Variants in IPCEF1 observed in about 807,000 individuals in gnomAD.
IPCEF1 encodes the protein interaction protein for cytohesin exchange factors 1, also known as interactor protein for cytohesin exchange factors 1.
Under a neutral mutation model 50.9 loss-of-function variants are expected in IPCEF1, and 31 were observed. That is an observed-to-expected ratio of 0.61 (90% confidence interval 0.46 to 0.82). The LOEUF is 0.82. IPCEF1 is among the 40% of genes least tolerant of loss of function. The pLI, the probability that IPCEF1 is intolerant of heterozygous loss-of-function variation, is 0.00. For synonymous variants in IPCEF1, 181 were observed against 192.0 expected (o/e 0.94, Z 0.47); for missense variants, 458 against 514.0 (o/e 0.89, Z 1.05).
intron 2 of IPCEF1, among the ~76,000 whole-genome samples, chr6:154,284,306 A>G (rs375702891): frequency 2.0e-4 from 30 of 152,360 alleles, no homozygotes; most frequent in African/African-American, 6.5e-4. Flanking sequence ...TGTAAGTGTG[A>G]CTGATTTAGA....
At chr6:154,319,683 A>G (rs1463730398) in intron 1 of IPCEF1, among the ~76,000 whole-genome samples, 1 of 152,206 alleles carries the variant, frequency 6.6e-6, no homozygotes, top group Non-Finnish European at 1.5e-5. Context: ...AAGCGGGGAA[A>G]CATCTTATTT....
chr6:154,215,878 C>A (rs1778354502), intron 7 of IPCEF1, among the ~76,000 whole-genome samples: 1 of 152,090 alleles, frequency 6.6e-6, no homozygotes, highest in Non-Finnish European at 1.5e-5. Context: ...AAAAAAATTT[C>A]TCAGCCTCAA....
At chr6:154,341,510 G>T (rs1783917670) in intron 1 of IPCEF1, among the ~76,000 whole-genome samples, 1 of 152,168 alleles carries the variant, frequency 6.6e-6, no homozygotes, top group Admixed American at 6.5e-5. Flanking sequence ...TGACCAAAAT[G>T]GAACCTTTGA....
At chr6:154,335,517 G>C (rs142756286) in intron 1 of IPCEF1, among the ~76,000 whole-genome samples, 3 of 152,084 alleles carry the variant, frequency 2.0e-5, no homozygotes, top group African/African-American at 7.2e-5. Flanking sequence ...ACACAGCAAA[G>C]AAAACAAACA....
intron 3 of IPCEF1, among the ~76,000 whole-genome samples, chr6:154,264,817 T>C (rs1342559397): frequency 1.3e-5 from 2 of 152,210 alleles, no homozygotes; most frequent in African/African-American, 4.8e-5. Context: ...AAGCAAAGGA[T>C]GTTTCAGCCG....
In IPCEF1 at chr6:154,325,963, C is replaced by T. The variant is rs367725547; in HGVS notation, c.-62+30709G>A. 7.2e-5 allele frequency among the ~76,000 whole-genome samples: 11 copies of T among 152,250 alleles called. No individual in the cohort carries two copies. The South Asian group carries it at 1.2e-3, about 17-fold the overall frequency. ...ATTCTTGGCTGGGCACAGTGGCTCA[C>T]GCTTGTAATCCCAGCATTTTGGGAG... On this transcript the variant is annotated intron_variant, in intron 1 of 11. Coordinates refer to ENST00000367220, the MANE Select transcript of IPCEF1 (RefSeq NM_001130700.2).
At chr6:154,161,310 A>G (rs1327998453) in intron 11 of IPCEF1, among the ~76,000 whole-genome samples, 17 of 151,038 alleles carry the variant, frequency 1.1e-4, no homozygotes, top group Non-Finnish European at 2.5e-4. Flanking sequence ...TCCCAGGTTC[A>G]AGCGATTCTC....
chr6:154,275,291 G>A (rs1782027906), intron 2 of IPCEF1, among the ~76,000 whole-genome samples: 1 of 152,136 alleles, frequency 6.6e-6, no homozygotes, highest in Non-Finnish European at 1.5e-5. Flanking sequence ...TGAGACAAAG[G>A]GCACCAGCTC....
chr6:154,165,363 A>G (rs1218147900), intron 11 of IPCEF1, among the ~76,000 whole-genome samples: 1 of 152,152 alleles, frequency 6.6e-6, no homozygotes, highest in African/African-American at 2.4e-5. Context: ...ACAATTAGAA[A>G]TAATTATTAT....
chr6:154,257,745 G>C (rs1781497350), intron 3 of IPCEF1, among the ~76,000 whole-genome samples: 1 of 152,076 alleles, frequency 6.6e-6, no homozygotes, highest in East Asian at 1.9e-4. Flanking sequence ...TTTCACCCAG[G>C]CTGGAGTACA....
intron 5 of IPCEF1, among the ~76,000 whole-genome samples, chr6:154,238,968 AC>A (rs1189763874): frequency 6.6e-6 from 1 of 152,116 alleles, no homozygotes; most frequent in Admixed American, 6.6e-5. Context: ...CGACAAAAGT[AC>A]TATGCACTGT....
intron 9 of IPCEF1, among the ~76,000 whole-genome samples, chr6:154,208,356 C>T (rs894660142): frequency 6.6e-6 from 1 of 152,214 alleles, no homozygotes; most frequent in Non-Finnish European, 1.5e-5. Context: ...TCTCACACCA[C>T]CTTTCAAGGT....
At position 154,265,911 on chromosome 6, in the gene IPCEF1, C is replaced by T. The variant is rs1457126223; in HGVS notation, c.36+1G>A. 1 of 1,596,096 alleles carries T rather than the reference C, an allele frequency of 6.3e-7. No homozygotes were observed. The highest frequency in any genetic ancestry group is 1.1e-5 in the South Asian group (1 of 88,580). ...CCTGGGGTATTCCAAAGGATACTTACAAGAGCACTGCCATCAATAGCCATG... is the reference window on the plus strand; with the variant it reads ...CCTGGGGTATTCCAAAGGATACTTATAAGAGCACTGCCATCAATAGCCATG... On this transcript the variant is annotated splice_donor_variant, in intron 3 of 11. Coordinates refer to ENST00000367220, the MANE Select transcript of IPCEF1 (RefSeq NM_001130700.2). LOFTEE classifies it high-confidence loss of function.
Position 154,212,543 on chromosome 6 carries a change from C to T in IPCEF1, c.537+227G>A, listed in dbSNP as rs79302519. 5.2e-3 allele frequency among the ~76,000 whole-genome samples: 786 copies of T among 152,296 alleles called. 9 individuals are homozygous for T. The highest frequency in any genetic ancestry group is 0.018 in the African/African-American group (739 of 41,548). On this transcript the variant is annotated intron_variant, in intron 9 of 11. Transcript: ENST00000367220. The stretch of plus-strand genomic sequence containing the variant: ...TGCATCCTCATGAATTCTCTGAGTA[C>T]GGTACATCTTCGGGTCACACACAAA...
intron 9 of IPCEF1, among the ~76,000 whole-genome samples, chr6:154,201,000 T>G (rs556768436): frequency 2.0e-5 from 3 of 152,180 alleles, no homozygotes; most frequent in East Asian, 3.9e-4. Context: ...GTTCTCATGA[T>G]AGTGAGTGAG....
At chr6:154,276,094 G>T (rs1283440060) in intron 2 of IPCEF1, among the ~76,000 whole-genome samples, 1 of 152,090 alleles carries the variant, frequency 6.6e-6, no homozygotes, top group East Asian at 1.9e-4. Flanking sequence ...TGAAGCAGGA[G>T]AATCGCTTGA....
chr6:154,193,014 C>T (rs547592786), intron 10 of IPCEF1, among the ~76,000 whole-genome samples: 1 of 152,288 alleles, frequency 6.6e-6, no homozygotes, highest in East Asian at 1.9e-4. Flanking sequence ...AATCCCACTA[C>T]TGGATATCTA....
intron 2 of IPCEF1, among the ~76,000 whole-genome samples, chr6:154,270,435 T>A (rs1781872794): frequency 6.6e-6 from 1 of 152,198 alleles, no homozygotes; most frequent in Non-Finnish European, 1.5e-5. Flanking sequence ...GTCATTGTAG[T>A]AATAAATAAT....
At position 154,308,251 on chromosome 6, in the gene IPCEF1, A is replaced by T. The variant is rs555115169; in HGVS notation, c.-61-18495T>A. On this transcript the variant is annotated intron_variant, in intron 1 of 11. Transcript: ENST00000367220. ...AACCCCAGCTTTCCAAGTAGCTGGG[A>T]CTATTGGTGCGTGCCACCATGCCCT... Among the ~76,000 whole-genome samples the T allele has an allele frequency of 2.6e-4, 39 of 152,290 alleles. No individual in the cohort carries two copies. In the South Asian group the frequency reaches 7.7e-3, roughly 30 times the overall value.
Sources: allele counts gnomAD v4.1 joint callset (sites outside exome capture counted in the v4.1 genomes callset), GRCh38; gene constraint gnomAD v4.1.1; transcripts MANE v1.5; gene names NCBI Gene and HGNC (gene_info 2026-07-23, HGNC 2026-07-21).